Variants in ANKS1A observed in about 807,000 individuals in gnomAD.
The protein encoded by ANKS1A is ankyrin repeat and SAM domain-containing protein 1A.
ANKS1A carries 55 observed loss-of-function variants against 120.3 expected under a neutral mutation model. The ratio of observed to expected loss-of-function variants is 0.46; its 90% CI spans 0.37 to 0.57. The LOEUF (loss-of-function observed/expected upper bound fraction) is 0.57. Ranked by LOEUF, ANKS1A falls within the 20% of genes least tolerant of loss-of-function variation. The probability of loss-of-function intolerance (pLI) is 0.00; values close to 1 mark genes in which losing one functional copy is unlikely to be tolerated. For missense variants in ANKS1A, 1,123 were observed against 1,480.3 expected, an observed-to-expected ratio of 0.76 and a Z score of 3.96; for synonymous variants, 590 against 604.7, an observed-to-expected ratio of 0.98 and a Z score of 0.36.
At chr6:35,036,629 A>G (rs1417011112) in intron 11 of ANKS1A, among the ~76,000 whole-genome samples, 1 of 152,216 alleles carries the variant, frequency 6.6e-6, no homozygotes. Flanking sequence ...AACATACCAA[A>G]TCTGGTTTTG....
intron 13 of ANKS1A, among the ~76,000 whole-genome samples, chr6:35,073,425 C>G (rs1033104526): frequency 1.3e-5 from 2 of 152,218 alleles, no homozygotes; most frequent in African/African-American, 4.8e-5. Flanking sequence ...CAGTCGGACA[C>G]CTGCCGGCGA....
At chr6:34,974,380 TTTCCCTTCCCCTTC>T (rs1771443635) in intron 3 of ANKS1A, among the ~76,000 whole-genome samples, 1 of 15,856 alleles carries the variant, frequency 6.3e-5, no homozygotes, top group Admixed American at 7.2e-4. Flanking sequence ...TCCCCTTCCA[TTTCCCTTCCCCTTC>T]CCCTTCCATT....
In ANKS1A at chr6:35,052,060, G is replaced by T. The variant is rs560386910; in HGVS notation, c.2011-2039G>T. 3.3e-5 allele frequency among the ~76,000 whole-genome samples: 5 copies of T among 152,148 alleles called. No homozygotes were observed. The East Asian group carries it at 5.8e-4, about 18-fold the overall frequency. On this transcript the variant is annotated intron_variant, in intron 11 of 23. Coordinates refer to ENST00000360359, the MANE Select transcript of ANKS1A (RefSeq NM_015245.3). The stretch of plus-strand genomic sequence containing the variant: ...CCAGGTATGGTGGCTCACACCTGTA[G>T]TCCCAGCACTTTGGGAGGCCAAGGC...
chr6:35,090,089 T>TTCTA lies in ANKS1A; in HGVS notation c.*1484_*1487dup, dbSNP rs958291193. ...TGGCTAGAGGCCAGGCCTTGTGGGT[T>TTCTA]TCTATCTGCTAAGCACCCAGCAGGT... is the stretch of plus-strand genomic sequence containing the variant. On this transcript the variant is annotated 3_prime_UTR_variant, in exon 24 of 24. Coordinates refer to ENST00000360359, the MANE Select transcript of ANKS1A (RefSeq NM_015245.3). 72 of 1,286,218 alleles carry TTCTA rather than the reference T, an allele frequency of 5.6e-5. No homozygotes were observed. Among genetic ancestry groups the TTCTA allele is most frequent in the African/African-American group, 5.0e-4 (33 of 65,922 alleles). 79.7% of individuals were successfully genotyped at this position (1,286,218 alleles called of 1,614,324 possible). A position where few individuals can be genotyped will look rare whatever the true frequency, so the allele number is the denominator to read the frequency against.
intron 1 of ANKS1A, among the ~76,000 whole-genome samples, chr6:34,930,930 C>T (rs182949282): frequency 6.7e-4 from 100 of 148,258 alleles, no homozygotes; most frequent in African/African-American, 2.4e-3. Context: ...CAGGCTGGAG[C>T]GCAATGCAAG....
chr6:35,021,933 C>T (rs1032692488), intron 11 of ANKS1A, among the ~76,000 whole-genome samples: 3 of 150,900 alleles, frequency 2.0e-5, no homozygotes, highest in Non-Finnish European at 4.4e-5. Flanking sequence ...TTGCAGTGAG[C>T]GGAGATCACA....
At chr6:34,914,070 A>T (rs1768036137) in intron 1 of ANKS1A, among the ~76,000 whole-genome samples, 1 of 152,070 alleles carries the variant, frequency 6.6e-6, no homozygotes, top group Non-Finnish European at 1.5e-5. Flanking sequence ...GGTGCCTGCC[A>T]CCACGCCCAG....
At chr6:35,066,484 T>G (rs1581726157) in intron 13 of ANKS1A, among the ~76,000 whole-genome samples, 1 of 149,212 alleles carries the variant, frequency 6.7e-6, no homozygotes, top group Non-Finnish European at 1.5e-5. Context: ...AGGAGATGAG[T>G]GGGAAGGCTG....
At chr6:34,954,536 C>T (rs911565304) in intron 1 of ANKS1A, among the ~76,000 whole-genome samples, 2 of 152,176 alleles carry the variant, frequency 1.3e-5, no homozygotes, top group Non-Finnish European at 2.9e-5. Context: ...ACAAGGAGGC[C>T]ATCCTTCCAA....
rs781214081 is a variant in ANKS1A at position 35,081,038 on chromosome 6, T to C, written c.2589T>C (p.Asn863=). 26 of 1,614,098 alleles carry C rather than the reference T, an allele frequency of 1.6e-5. 1 individual carries two copies. Among genetic ancestry groups the C allele is most frequent in the East Asian group, 2.2e-5 (1 of 44,882 alleles). Residue 863 remains asparagine (N), a synonymous_variant, in exon 17 of 24, where the codon AAT becomes AAC. Coordinates refer to ENST00000360359, the MANE Select transcript of ANKS1A (RefSeq NM_015245.3). The part of the protein sequence containing the change: ...LSQTSSPLSQ[N]DSCTGRSADL... ...AGACGTCATCCCCACTGAGTCAGAATGATTCCTGCACTGGGCGGTCGGCAG... is the reference window on the plus strand; with the variant it reads ...AGACGTCATCCCCACTGAGTCAGAACGATTCCTGCACTGGGCGGTCGGCAG...
chr6:34,953,311 G>A (rs1770179469), intron 1 of ANKS1A, among the ~76,000 whole-genome samples: 1 of 152,198 alleles, frequency 6.6e-6, no homozygotes, highest in Admixed American at 6.5e-5. Flanking sequence ...AGTTCTTGAA[G>A]AGCCTGACCC....
At chr6:34,905,021 G>A (rs1191508559) in intron 1 of ANKS1A, among the ~76,000 whole-genome samples, 2 of 152,194 alleles carry the variant, frequency 1.3e-5, no homozygotes, top group African/African-American at 4.8e-5. Flanking sequence ...ATGTTGGCCA[G>A]GCTGGTCTTG....
At chr6:34,972,171 G>T (rs75164883) in intron 3 of ANKS1A, among the ~76,000 whole-genome samples, 3 of 152,056 alleles carry the variant, frequency 2.0e-5, no homozygotes, top group Non-Finnish European at 2.9e-5. Context: ...TTGGATTTTT[G>T]AGCTACTTGA....
chr6:35,063,579 T>C (rs1776623406), intron 13 of ANKS1A, among the ~76,000 whole-genome samples: 1 of 152,214 alleles, frequency 6.6e-6, no homozygotes, highest in Admixed American at 6.5e-5. Context: ...AATATGATCT[T>C]AATTTCTGAA....
chr6:35,060,363 C>T lies in ANKS1A; in HGVS notation c.2184+110C>T. ...TCTGCAACAGTACGTAGACCCAAAT[C>T]CCAGGGAAAGCTCACTGAGGTCACT... On this transcript the variant is annotated intron_variant, in intron 13 of 23. Coordinates refer to ENST00000360359, the MANE Select transcript of ANKS1A (RefSeq NM_015245.3). The surrounding 1 kb of genome is among the most constrained non-coding windows in gnomAD (Gnocchi z 4.5). 1.1e-6 allele frequency: 1 copy of T among 932,628 alleles called. No homozygotes were observed. Among genetic ancestry groups the T allele is most frequent in the Non-Finnish European group, 1.6e-6 (1 of 613,258 alleles). 57.8% of individuals were successfully genotyped at this position (932,628 alleles called of 1,614,324 possible).
At position 35,089,586 on chromosome 6, in the gene ANKS1A, C is replaced by G. The variant is rs184792872; in HGVS notation, c.*977C>G. On this transcript the variant is annotated 3_prime_UTR_variant, in exon 24 of 24. Transcript: ENST00000360359. ...TTGATTCTCTGAATTATCGGTTTGA[C>G]GGTTACACTTGGCTGCTGGGCCCAT... 1.0e-6 allele frequency: 1 copy of G among 986,512 alleles called. No individual in the cohort carries two copies. Among genetic ancestry groups the G allele is most frequent in the East Asian group, 1.1e-4 (1 of 8,820 alleles). 61.1% of individuals were successfully genotyped at this position (986,512 alleles called of 1,614,324 possible).
chr6:34,920,709 A>T (rs9357188), intron 1 of ANKS1A, among the ~76,000 whole-genome samples: 46,049 of 152,000 alleles, frequency 0.3, 9,707 homozygotes, highest in East Asian at 0.58. Context: ...TCCTAAGGAG[A>T]GCCTAGTGAT....
intron 11 of ANKS1A, among the ~76,000 whole-genome samples, chr6:35,039,899 C>T (rs1775371721): frequency 6.6e-6 from 1 of 152,208 alleles, no homozygotes; most frequent in East Asian, 1.9e-4. Context: ...ATCATGGTGC[C>T]AGCCAGCATG....
At chr6:34,958,715 T>TA (rs1307056061) in intron 1 of ANKS1A, among the ~76,000 whole-genome samples, 1 of 152,208 alleles carries the variant, frequency 6.6e-6, no homozygotes. Context: ...CACTCGTAGT[T>TA]ACTTGCAGGT....
Sources: gnomAD v4.1 joint callset for allele counts (sites outside exome capture counted in the v4.1 genomes callset) on GRCh38, gnomAD v4.1.1 for gene constraint, Gnocchi (gnomAD v3.1) non-coding constraint, MANE v1.5 for transcripts, NCBI Gene and HGNC (gene_info 2026-07-23, HGNC 2026-07-21) for gene names.